PM20D2: variants seen among roughly 807,000 people sequenced by gnomAD.
PM20D2 encodes xaa-Arg dipeptidase.
In PM20D2, 33 loss-of-function variants were observed where a neutral mutation model predicts 42.9. The ratio of observed to expected loss-of-function variants is 0.77; its 90% CI spans 0.58 to 1.03. PM20D2 has a LOEUF of 1.03. PM20D2 is among the 50% of genes least tolerant of loss of function. The pLI, the probability that PM20D2 is intolerant of heterozygous loss-of-function variation, is 0.00. For missense variants in PM20D2, 548 were observed against 557.0 expected (o/e 0.98, Z 0.16); for synonymous variants, 250 against 228.2 (o/e 1.10, Z -0.86).
chr6:89,147,766 G>A (rs1301506688), intron 1 of PM20D2, among the ~76,000 whole-genome samples: 1 of 150,440 alleles, frequency 6.6e-6, no homozygotes, highest in Non-Finnish European at 1.5e-5. Flanking sequence ...GGTGGCTCAC[G>A]CCTGTAATCC....
At chr6:89,128,980 C>T in the PM20D2 span, among the ~76,000 whole-genome samples, 1 of 152,160 alleles carries the variant, frequency 6.6e-6, no homozygotes, top group Non-Finnish European at 1.5e-5. Flanking sequence ...AAGCAATCAA[C>T]AATATCCACA....
Position 89,146,646 on chromosome 6 carries a change from G to C in PM20D2, c.465+37G>C, listed in dbSNP as rs367828746. ...CCCGGGTGCGGGACCCTATCCGACT[G>C]CCCGGGTCGGGGGCGACCCGGGAAG... On this transcript the variant is annotated intron_variant, in intron 1 of 6. Coordinates refer to ENST00000275072, the MANE Select transcript of PM20D2 (RefSeq NM_001010853.3). The C allele has an allele frequency of 4.8e-5, 66 of 1,366,386 alleles. 5 individuals are homozygous for C. The highest frequency in any genetic ancestry group is 3.0e-4 in the East Asian group (10 of 33,594). 84.6% of individuals were successfully genotyped at this position (1,366,386 alleles called of 1,614,324 possible). A position where few individuals can be genotyped will look rare whatever the true frequency, so the allele number is the denominator to read the frequency against.
chr6:89,139,097 C>G, the PM20D2 span, among the ~76,000 whole-genome samples: 17 of 150,502 alleles, frequency 1.1e-4, no homozygotes, highest in African/African-American at 3.9e-4. Flanking sequence ...TTAATCTTTG[C>G]TTTTTTTTTA....
At chr6:89,156,640 A>G (rs996886194) in intron 4 of PM20D2, among the ~76,000 whole-genome samples, 2 of 152,192 alleles carry the variant, frequency 1.3e-5, no homozygotes, top group Admixed American at 1.3e-4. Context: ...GAGGTGGGAA[A>G]GAGTGGTCTG....
intron 1 of PM20D2, among the ~76,000 whole-genome samples, chr6:89,148,911 C>A (rs1770726207): frequency 6.6e-6 from 1 of 152,194 alleles, no homozygotes; most frequent in South Asian, 2.1e-4. Flanking sequence ...TACATACATA[C>A]ACTGAAAGGC....
intron 5 of PM20D2, among the ~76,000 whole-genome samples, chr6:89,158,709 G>A (rs1771134422): frequency 6.6e-6 from 1 of 152,166 alleles, no homozygotes. Context: ...ATTTTCTAGT[G>A]TTTAAGTTTC....
At chr6:89,143,148 T>C (rs1306249973), upstream of PM20D2, among the ~76,000 whole-genome samples, 2 of 152,168 alleles carry the variant, frequency 1.3e-5, no homozygotes, top group African/African-American at 4.8e-5. Context: ...TGCTTTGCCA[T>C]GTTGGGGATT....
At chr6:89,117,997 C>A in the PM20D2 span, 4 of 1,207,082 alleles carry the variant, frequency 3.3e-6, no homozygotes, top group Admixed American at 2.8e-5. Context: ...GCGCGACCCC[C>A]ACCCCTCGGC....
At chr6:89,098,975 A>G in the PM20D2 span, 77 of 1,575,762 alleles carry the variant, frequency 4.9e-5, no homozygotes, top group African/African-American at 2.3e-4. Flanking sequence ...GTTAGAGCAT[A>G]TATTTCACAC....
At chr6:89,154,724 C>G in intron 3 of PM20D2, 24 bp from the exon 4 acceptor site, 1 of 1,446,652 alleles carries the variant, frequency 6.9e-7, no homozygotes, top group Non-Finnish European at 9.2e-7. Context: ...AAGCTTAATT[C>G]TAGTAATTTG....
chr6:89,114,386 C>A, the PM20D2 span, among the ~76,000 whole-genome samples: 3 of 152,172 alleles, frequency 2.0e-5, no homozygotes, highest in African/African-American at 7.2e-5. Flanking sequence ...CGAGATCGTG[C>A]CACTGCACTC....
the PM20D2 span, among the ~76,000 whole-genome samples, chr6:89,138,941 G>A: frequency 6.6e-6 from 1 of 152,194 alleles, no homozygotes; most frequent in Middle Eastern, 3.4e-3. Context: ...TTTCCCCTAA[G>A]CCAAATTAAT....
At chr6:89,098,733 T>C in the PM20D2 span, 1 of 1,613,998 alleles carries the variant, frequency 6.2e-7, no homozygotes, top group Non-Finnish European at 8.5e-7. Flanking sequence ...CCATGTGATC[T>C]TGATTTTGTT....
At chr6:89,137,972 C>A in the PM20D2 span, among the ~76,000 whole-genome samples, 2 of 151,948 alleles carry the variant, frequency 1.3e-5, no homozygotes, top group Non-Finnish European at 2.9e-5. Flanking sequence ...TGGTTCACTT[C>A]CATTCAACAG....
the PM20D2 span, among the ~76,000 whole-genome samples, chr6:89,114,763 C>A: frequency 6.6e-6 from 1 of 152,042 alleles, no homozygotes; most frequent in South Asian, 2.1e-4. Flanking sequence ...TTTTAAAATG[C>A]GTATAAATAT....
the PM20D2 span, among the ~76,000 whole-genome samples, chr6:89,107,924 T>G: frequency 6.6e-6 from 1 of 152,186 alleles, no homozygotes; most frequent in African/African-American, 2.4e-5. Flanking sequence ...TTATAAGACC[T>G]AATAAGTAAT....
the PM20D2 span, among the ~76,000 whole-genome samples, chr6:89,133,842 A>G: frequency 6.6e-6 from 1 of 151,306 alleles, no homozygotes; most frequent in Non-Finnish European, 1.5e-5. Flanking sequence ...CCCTGATGGC[A>G]GTGAAGTTGT....
intron 5 of PM20D2, among the ~76,000 whole-genome samples, 184 bp downstream of exon 5, chr6:89,158,644 C>T (rs1582351155): frequency 2.0e-5 from 3 of 152,100 alleles, no homozygotes; most frequent in South Asian, 2.1e-4. Flanking sequence ...GAATGTCAAA[C>T]GAGCAGACTT....
chr6:89,161,335 G>GA (rs562037185), intron 5 of PM20D2, among the ~76,000 whole-genome samples: 211 of 152,312 alleles, frequency 1.4e-3, no homozygotes, highest in African/African-American at 4.9e-3. Context: ...AAAATCTTGA[G>GA]AAAGAATATG....
Sources: gnomAD v4.1 joint callset for allele counts (sites outside exome capture counted in the v4.1 genomes callset) on GRCh38, gnomAD v4.1.1 for gene constraint, MANE v1.5 for transcripts, NCBI Gene and HGNC (gene_info 2026-07-23, HGNC 2026-07-21) for gene names.